Variants in CADM2 observed in about 807,000 individuals in gnomAD.
CADM2 encodes the protein immunoglobulin superfamily member 4D.
A neutral mutation model predicts 49.8 loss-of-function variants in CADM2; 12 were observed. That is an observed-to-expected ratio of 0.24 (90% CI 0.15 to 0.39). The LOEUF is 0.39. Among genes scored for constraint, CADM2 ranks in the 10% least tolerant of loss-of-function variants. CADM2 has a pLI of 1.00. For synonymous variants in CADM2, 214 were observed against 175.4 expected (o/e 1.22, Z -1.74); for missense variants, 378 against 492.3 (o/e 0.77, Z 2.20).
intron 1 of CADM2, among the ~76,000 whole-genome samples, chr3:85,423,404 G>A: frequency 6.6e-6 from 1 of 152,114 alleles, no homozygotes; most frequent in East Asian, 1.9e-4. Flanking sequence ...CCTCACCAGA[G>A]TCCTTGTCCT....
In CADM2 at chr3:85,961,809, A is replaced by G. The variant is rs565568061; in HGVS notation, c.970+162A>G. ...ATTATGAGATATTATATTTAATATT[A>G]ATATATTCCCAGTCAGACTGATAAA... is the stretch of plus-strand genomic sequence containing the variant. On this transcript the variant is annotated intron_variant, in intron 8 of 9. Coordinates refer to ENST00000383699, the MANE Select transcript of CADM2 (RefSeq NM_001167675.2). 3.3e-5 allele frequency among the ~76,000 whole-genome samples: 5 copies of G among 152,084 alleles called. No homozygotes were observed. The South Asian group carries it at 1.0e-3, about 32-fold the overall frequency.
chr3:85,877,838 A>G (rs539245371), intron 3 of CADM2, among the ~76,000 whole-genome samples: 13 of 152,100 alleles, frequency 8.5e-5, no homozygotes, highest in Non-Finnish European at 1.3e-4. Flanking sequence ...TTCAATAGCT[A>G]CTCACTGAAT....
intron 8 of CADM2, among the ~76,000 whole-genome samples, chr3:86,020,867 C>A (rs9754909): frequency 0.028 from 4,268 of 151,782 alleles, 110 homozygotes; most frequent in African/African-American, 0.065. Context: ...TATGACAAAC[C>A]CACAGCCAAT....
chr3:85,330,314 A>G (rs957915395), intron 1 of CADM2, among the ~76,000 whole-genome samples: 6 of 152,120 alleles, frequency 3.9e-5, no homozygotes, highest in Admixed American at 3.9e-4. Flanking sequence ...TTGAACTCTC[A>G]TAGCACTTAT....
intron 1 of CADM2, among the ~76,000 whole-genome samples, chr3:84,986,688 G>A (rs1028207863): frequency 9.2e-5 from 14 of 151,714 alleles, no homozygotes; most frequent in Non-Finnish European, 1.5e-4. Context: ...CACCAGCATG[G>A]CACATGTATA....
intron 1 of CADM2, among the ~76,000 whole-genome samples, chr3:85,668,159 G>A (rs2065626895): frequency 6.6e-6 from 1 of 151,580 alleles, no homozygotes; most frequent in South Asian, 2.1e-4. Flanking sequence ...GGGCAATGGT[G>A]GAGATGGCCC....
At chr3:85,631,663 A>G (rs2064311656) in intron 1 of CADM2, among the ~76,000 whole-genome samples, 1 of 152,150 alleles carries the variant, frequency 6.6e-6, no homozygotes, top group Admixed American at 6.6e-5. Flanking sequence ...TTAAATGTGT[A>G]CACCTGGTTG....
At chr3:85,175,316 A>G (rs1019051731) in intron 1 of CADM2, among the ~76,000 whole-genome samples, 1 of 152,184 alleles carries the variant, frequency 6.6e-6, no homozygotes, top group African/African-American at 2.4e-5. Context: ...TCAGATATTT[A>G]TATGCTCATT....
At chr3:85,155,032 T>A (rs1474173618) in intron 1 of CADM2, among the ~76,000 whole-genome samples, 1 of 149,790 alleles carries the variant, frequency 6.7e-6, no homozygotes, top group Admixed American at 6.6e-5. Context: ...CTGCATCAAC[T>A]AACGAGCAAA....
chr3:85,058,914 T>A (rs1426391595), intron 1 of CADM2, among the ~76,000 whole-genome samples: 1 of 151,632 alleles, frequency 6.6e-6, no homozygotes, highest in African/African-American at 2.4e-5. Context: ...TAGAATTATA[T>A]AGTATTCTAT....
At chr3:85,425,699 G>T (rs907186923) in intron 1 of CADM2, among the ~76,000 whole-genome samples, 1 of 152,122 alleles carries the variant, frequency 6.6e-6, no homozygotes, top group Non-Finnish European at 1.5e-5. Context: ...GGGTTGATCA[G>T]ATCCAACACC....
chr3:85,713,429 C>T (rs1352843252), intron 1 of CADM2, among the ~76,000 whole-genome samples: 1 of 152,136 alleles, frequency 6.6e-6, no homozygotes, highest in African/African-American at 2.4e-5. Flanking sequence ...GAATTACAGG[C>T]ATGAGCCACC....
chr3:85,946,632 G>A (rs763394135), intron 7 of CADM2, among the ~76,000 whole-genome samples: 29 of 151,878 alleles, frequency 1.9e-4, no homozygotes, highest in Non-Finnish European at 3.7e-4. Context: ...AGCCCTCAGA[G>A]ATAATACCTC....
At chr3:85,296,383 C>A (rs184808303) in intron 1 of CADM2, among the ~76,000 whole-genome samples, 26 of 151,722 alleles carry the variant, frequency 1.7e-4, no homozygotes. Flanking sequence ...GAGATTCTTA[C>A]CAATATCTAG....
intron 5 of CADM2, among the ~76,000 whole-genome samples, chr3:85,897,848 G>A (rs1199001380): frequency 6.6e-6 from 1 of 152,088 alleles, no homozygotes; most frequent in East Asian, 1.9e-4. Flanking sequence ...AAAAGAAGAG[G>A]AAGAGATTTG....
intron 1 of CADM2, among the ~76,000 whole-genome samples, chr3:85,335,641 G>T (rs528210253): frequency 4.8e-4 from 72 of 151,188 alleles, no homozygotes; most frequent in African/African-American, 1.7e-3. Context: ...CTCTAACTCA[G>T]TGTTTGAAAA....
chr3:85,227,777 T>C (rs575009927), intron 1 of CADM2, among the ~76,000 whole-genome samples: 31 of 152,280 alleles, frequency 2.0e-4, no homozygotes, highest in Admixed American at 5.9e-4. Context: ...CTGGTACCAG[T>C]TGTTCCTTTC....
chr3:85,749,606 G>T (rs2068779303), intron 2 of CADM2, among the ~76,000 whole-genome samples: 1 of 152,048 alleles, frequency 6.6e-6, no homozygotes, highest in Middle Eastern at 3.4e-3. Flanking sequence ...TGCTGACAGA[G>T]AAATCTCTAC....
chr3:84,966,365 G>C (rs1465283112), intron 1 of CADM2, among the ~76,000 whole-genome samples: 1 of 151,908 alleles, frequency 6.6e-6, no homozygotes. Flanking sequence ...TTTGTAATTA[G>C]AGTTTAGGGC....
Sources: gnomAD v4.1 joint callset for allele counts (sites outside exome capture counted in the v4.1 genomes callset) on GRCh38, gnomAD v4.1.1 for gene constraint, MANE v1.5 for transcripts, NCBI Gene and HGNC (gene_info 2026-07-23, HGNC 2026-07-21) for gene names.